The following PRRG4 variants were observed in gnomAD, a reference collection of about 807,000 sequenced individuals.
PRRG4 encodes the protein transmembrane gamma-carboxyglutamic acid protein 4.
Under a neutral mutation model 20.0 loss-of-function variants are expected in PRRG4, and 12 were observed. The observed-to-expected ratio is 0.60, with a 90% CI of 0.38 to 0.97. The LOEUF (loss-of-function observed/expected upper bound fraction) is 0.97, where lower values mean the gene tolerates loss of function less well. PRRG4 is among the 50% of genes least tolerant of loss of function. The probability of loss-of-function intolerance (pLI) is 0.00; values close to 1 mark genes in which losing one functional copy is unlikely to be tolerated. For synonymous variants in PRRG4, 94 were observed against 96.4 expected, an observed-to-expected ratio of 0.98 and a Z score of 0.15; for missense variants, 199 against 265.1, an observed-to-expected ratio of 0.75 and a Z score of 1.73.
In PRRG4 at chr11:32,838,917, A is replaced by T; in HGVS notation, c.303A>T (p.Pro101=). 6.2e-7 allele frequency: 1 copy of T among 1,609,678 alleles called. No homozygotes were observed. The highest frequency in any genetic ancestry group is 8.5e-7 in the Non-Finnish European group (1 of 1,176,038). ...AFWQEYSAKG[P]TTKSDGNREK... ...GGCAGGAATATTCAGCTAAAGGACC[A>T]ACCACAAAATCAGGTAAAACAAGAA... The change falls in exon 4 of 6, where the codon CCA becomes CCT. Residue 101 remains proline, a synonymous_variant. Coordinates refer to ENST00000257836, the MANE Select transcript of PRRG4 (RefSeq NM_024081.6).
chr11:32,854,316 G>A lies in PRRG4; in HGVS notation c.*789G>A, dbSNP rs974118408. ...CACGCCTGTAATCCCAGCACTTTGG[G>A]AGGGATAGGTGGGCGGATCACCTGA... On this transcript the variant is annotated 3_prime_UTR_variant, in exon 6 of 6. Coordinates refer to ENST00000257836, the MANE Select transcript of PRRG4 (RefSeq NM_024081.6). The A allele has an allele frequency of 1.3e-5, 2 of 152,254 alleles. No homozygotes were observed. The highest frequency in any genetic ancestry group is 4.8e-5 in the African/African-American group (2 of 41,446). 9.4% of individuals were successfully genotyped at this position (152,254 alleles called of 1,614,324 possible).
intron 5 of PRRG4, among the ~76,000 whole-genome samples, chr11:32,843,294 A>G (rs1406044287): frequency 1.3e-5 from 2 of 152,164 alleles, no homozygotes; most frequent in South Asian, 2.1e-4. Flanking sequence ...TACAAAAGTA[A>G]TACATGCATT....
At chr11:32,833,347 G>A (rs1433466999) in intron 2 of PRRG4, among the ~76,000 whole-genome samples, 2 of 152,112 alleles carry the variant, frequency 1.3e-5, no homozygotes, top group Admixed American at 6.5e-5. Flanking sequence ...AATGTTTGTG[G>A]CTCTCCCTTT....
At position 32,856,322 on chromosome 11, in the gene PRRG4, C is replaced by T. The variant is rs967573502; in HGVS notation, c.*2795C>T. The T allele has an allele frequency of 2.6e-5, 4 of 152,106 alleles. No individual in the cohort carries two copies. The highest frequency in any genetic ancestry group is 2.6e-4 in the Admixed American group (4 of 15,256). 9.4% of individuals were successfully genotyped at this position (152,106 alleles called of 1,614,324 possible). A position where few individuals can be genotyped will look rare whatever the true frequency, so the allele number is the denominator to read the frequency against. Reference sequence around the variant, plus strand: ...ATTTTGTGTAAAGCAGTTGCTCTAACTTGAATGAGTCTAGAATTCATCATT... The same window carrying T: ...ATTTTGTGTAAAGCAGTTGCTCTAATTTGAATGAGTCTAGAATTCATCATT... On this transcript the variant is annotated 3_prime_UTR_variant, in exon 6 of 6. Transcript: ENST00000257836.
At chr11:32,851,240 C>A (rs1847688366) in intron 5 of PRRG4, among the ~76,000 whole-genome samples, 1 of 152,126 alleles carries the variant, frequency 6.6e-6, no homozygotes, top group South Asian at 2.1e-4. Context: ...TGTAAGAAAG[C>A]ACTGTGTAGA....
At chr11:32,843,564 C>G (rs1424194675) in intron 5 of PRRG4, among the ~76,000 whole-genome samples, 1 of 151,846 alleles carries the variant, frequency 6.6e-6, no homozygotes, top group Non-Finnish European at 1.5e-5. Context: ...CTGCAACTTG[C>G]CTTTGGCACT....
At chr11:32,829,848 G>C, upstream of PRRG4, 1 of 985,394 alleles carries the variant, frequency 1.0e-6, no homozygotes, top group Non-Finnish European at 1.2e-6. Context: ...CCCACTGCCC[G>C]CCCGCTCGCC....
chr11:32,830,405 G>T, intron 1 of PRRG4, 103 bp from the exon 2 acceptor site: 2 of 1,022,604 alleles, frequency 2.0e-6, no homozygotes, highest in Non-Finnish European at 2.6e-6. Context: ...GCGCTCTTGC[G>T]CCTAGGCTTT....
intron 2 of PRRG4, among the ~76,000 whole-genome samples, chr11:32,831,967 C>T (rs1047161335): frequency 2.6e-5 from 4 of 151,648 alleles, no homozygotes; most frequent in Non-Finnish European, 5.9e-5. Flanking sequence ...CCAGCCTGGG[C>T]GACAGAGTGA....
chr11:32,841,707 G>A (rs1316070736), intron 5 of PRRG4, among the ~76,000 whole-genome samples: 1 of 152,032 alleles, frequency 6.6e-6, no homozygotes, highest in Admixed American at 6.6e-5. Context: ...CTGCTTGTGG[G>A]GCTGAGGTGG....
chr11:32,829,944 C>T lies in PRRG4; in HGVS notation c.-252C>T. On this transcript the variant is annotated 5_prime_UTR_variant, in exon 1 of 6. Coordinates refer to ENST00000257836, the MANE Select transcript of PRRG4 (RefSeq NM_024081.6). ...CTCCCGTCCTCCGTCGGCCGCCTCC[C>T]CGGACCGAGGCAGGACCTCACCCCG... The T allele has an allele frequency of 1.0e-6, 1 of 985,644 alleles. No individual in the cohort carries two copies. The highest frequency in any genetic ancestry group is 1.2e-6 in the Non-Finnish European group (1 of 830,094). 61.1% of individuals were successfully genotyped at this position (985,644 alleles called of 1,614,324 possible). A position where few individuals can be genotyped will look rare whatever the true frequency, so the allele number is the denominator to read the frequency against.
chr11:32,843,793 T>C (rs1851102233), intron 5 of PRRG4, among the ~76,000 whole-genome samples: 1 of 151,840 alleles, frequency 6.6e-6, no homozygotes, highest in Non-Finnish European at 1.5e-5. Flanking sequence ...TGTTTCCCAT[T>C]CTCCCCTCTC....
rs1309982076 is a variant in PRRG4, at chr11:32,840,086, A to G, written c.317-21A>G. The G allele has an allele frequency of 2.6e-6, 4 of 1,552,966 alleles. No individual in the cohort carries two copies. On this transcript the variant is annotated intron_variant, in intron 4 of 5. Transcript: ENST00000257836. The surrounding 1 kb of genome is among the most constrained non-coding windows in gnomAD (Gnocchi z 4.1). ...GCTATATAGTTGTTATATTTATGTTATTTTAATGATTTATTTTAAGATGGC... is the reference window on the plus strand; with the variant it reads ...GCTATATAGTTGTTATATTTATGTTGTTTTAATGATTTATTTTAAGATGGC...
At chr11:32,837,537 TGA>T (rs1565113868) in intron 3 of PRRG4, among the ~76,000 whole-genome samples, 5,993 of 97,846 alleles carry the variant, frequency 0.061, 136 homozygotes, top group Middle Eastern at 0.09. Flanking sequence ...ATGATGATGA[TGA>T]TGATTATTAT....
chr11:32,832,028 A>G (rs1358842681), intron 2 of PRRG4, among the ~76,000 whole-genome samples: 1 of 152,106 alleles, frequency 6.6e-6, no homozygotes, highest in Non-Finnish European at 1.5e-5. Flanking sequence ...ATAAATAAAT[A>G]AAAGACAGTC....
At chr11:32,836,550 G>T in intron 2 of PRRG4, 108 bp from the exon 3 acceptor site, 1 of 512,400 alleles carries the variant, frequency 2.0e-6, no homozygotes, top group Non-Finnish European at 3.2e-6. Flanking sequence ...AAAAAGTTTG[G>T]TATAATTTAG....
At chr11:32,852,526 G>A (rs1383136974) in intron 5 of PRRG4, among the ~76,000 whole-genome samples, 1 of 152,098 alleles carries the variant, frequency 6.6e-6, no homozygotes, top group East Asian at 1.9e-4. Flanking sequence ...CCTGAATTTG[G>A]TTTTGGTTTC....
chr11:32,851,885 G>A (rs905249535), intron 5 of PRRG4, among the ~76,000 whole-genome samples: 6 of 152,120 alleles, frequency 3.9e-5, no homozygotes, highest in African/African-American at 7.2e-5. Context: ...CATCCCCTAT[G>A]CATTTTAATT....
rs912659916 is a variant in PRRG4, at chr11:32,840,677, C to T, written c.449+438C>T. Among the ~76,000 whole-genome samples, 2 of 152,132 alleles carry T rather than the reference C, an allele frequency of 1.3e-5. No homozygotes were observed. The highest frequency in any genetic ancestry group is 2.4e-5 in the African/African-American group (1 of 41,440). The stretch of plus-strand genomic sequence containing the variant: ...TAATGATGCTATTTCTAAGGTCCTT[C>T]GAAAGAATACAAGAAGTTTCACATA... On this transcript the variant is annotated intron_variant, in intron 5 of 5. Transcript: ENST00000257836. This position sits in a 1 kb window ranked among gnomAD's most constrained non-coding sequence, Gnocchi z 4.1.
Sources: allele counts gnomAD v4.1 joint callset (sites outside exome capture counted in the v4.1 genomes callset), GRCh38; gene constraint gnomAD v4.1.1; non-coding constraint Gnocchi (gnomAD v3.1); transcripts MANE v1.5; gene names NCBI Gene and HGNC (gene_info 2026-07-23, HGNC 2026-07-21).